Variants in AFAP1L2 observed in about 807,000 individuals in gnomAD.
AFAP1L2 encodes the protein actin filament-associated protein 1-like 2.
A neutral mutation model predicts 99.3 loss-of-function variants in AFAP1L2; 46 were observed. The observed-to-expected ratio is 0.46, with a 90% confidence interval of 0.37 to 0.59. The LOEUF is 0.59. Among genes scored for constraint, AFAP1L2 ranks in the 20% least tolerant of loss-of-function variants. AFAP1L2 has a pLI of 0.00. For missense variants in AFAP1L2, 959 were observed against 1,034.9 expected (o/e 0.93, Z 1.01); for synonymous variants, 397 against 419.1 (o/e 0.95, Z 0.64).
intron 1 of AFAP1L2, among the ~76,000 whole-genome samples, chr10:114,383,169 G>T (rs948861860): frequency 1.7e-4 from 26 of 152,196 alleles, no homozygotes; most frequent in Admixed American, 8.5e-4. Flanking sequence ...ACAATGTTTT[G>T]AAAGATACAT....
chr10:114,385,394 A>T (rs2056366652), intron 1 of AFAP1L2, among the ~76,000 whole-genome samples: 1 of 152,192 alleles, frequency 6.6e-6, no homozygotes, highest in Admixed American at 6.5e-5. Context: ...AGGACTTGAC[A>T]TCCTGGTTAA....
chr10:114,297,351 C>G lies in AFAP1L2; in HGVS notation c.2176G>C (p.Glu726Gln). The part of the protein sequence containing the change: ...LKEIDEECRG[E>Q]ESRRVDLELS... Reference sequence around the variant, plus strand: ...TCCAGGTCCACGCGCCTGCTCTCCTCGCCCCGGCACTCCTCGTCAATTTCC... The same window carrying G: ...TCCAGGTCCACGCGCCTGCTCTCCTGGCCCCGGCACTCCTCGTCAATTTCC... The change falls in exon 17 of 19, where the codon GAG (glutamate) becomes CAG (glutamine). Residue 726 changes from glutamate to glutamine, a missense_variant. Coordinates refer to ENST00000304129, the MANE Select transcript of AFAP1L2 (RefSeq NM_001001936.3). 1.2e-6 allele frequency: 2 copies of G among 1,613,822 alleles called. No individual in the cohort carries two copies. Among genetic ancestry groups the G allele is most frequent in the Non-Finnish European group, 1.7e-6 (2 of 1,180,038 alleles).
chr10:114,393,239 C>T (rs1033423258), intron 1 of AFAP1L2, among the ~76,000 whole-genome samples: 1 of 152,170 alleles, frequency 6.6e-6, no homozygotes, highest in African/African-American at 2.4e-5. Flanking sequence ...GCCACCAACA[C>T]TCTCCTGGGG....
chr10:114,291,697 G>T (rs2039616540), downstream of AFAP1L2, among the ~76,000 whole-genome samples: 1 of 152,244 alleles, frequency 6.6e-6, no homozygotes, highest in African/African-American at 2.4e-5. Context: ...GACGGCGAAG[G>T]CCACGGCCTT....
At chr10:114,359,531 G>A (rs966608056) in intron 1 of AFAP1L2, among the ~76,000 whole-genome samples, 14 of 152,268 alleles carry the variant, frequency 9.2e-5, no homozygotes, top group Middle Eastern at 3.4e-3. Flanking sequence ...AACTTTCCCC[G>A]CACCCTGCAG....
At chr10:114,343,243 A>C (rs550967359) in intron 1 of AFAP1L2, among the ~76,000 whole-genome samples, 63 of 152,092 alleles carry the variant, frequency 4.1e-4, no homozygotes, top group Non-Finnish European at 2.2e-4. Flanking sequence ...CATGAAACCA[A>C]CTCCTAGGGT....
At chr10:114,340,887 C>T (rs893315746) in intron 1 of AFAP1L2, 156 bp from the exon 2 acceptor site, 4 of 1,015,184 alleles carry the variant, frequency 3.9e-6, no homozygotes, top group African/African-American at 3.2e-5. Flanking sequence ...GGGGACTGGG[C>T]AGAAGATGGG....
chr10:114,298,616 C>T (rs1283995724), intron 16 of AFAP1L2, among the ~76,000 whole-genome samples: 1 of 151,850 alleles, frequency 6.6e-6, no homozygotes, highest in Non-Finnish European at 1.5e-5. Context: ...TTTGGGAGGC[C>T]AAGGCAGGTG....
intron 2 of AFAP1L2, 78 bp downstream of exon 2, chr10:114,340,525 A>G: frequency 6.6e-7 from 1 of 1,508,466 alleles, no homozygotes; most frequent in Non-Finnish European, 8.9e-7. Context: ...TGTGATCCTT[A>G]GCTATGGCAG....
At chr10:114,299,125 C>T in intron 16 of AFAP1L2, 135 bp downstream of exon 16, 1 of 999,446 alleles carries the variant, frequency 1.0e-6, no homozygotes, top group Admixed American at 2.3e-5. Context: ...AAGGGAGCAC[C>T]CACCCAGGCC....
chr10:114,343,940 G>A (rs2049147767), intron 1 of AFAP1L2, among the ~76,000 whole-genome samples: 1 of 152,148 alleles, frequency 6.6e-6, no homozygotes, highest in Non-Finnish European at 1.5e-5. Context: ...AGAGAAGAAC[G>A]GGAGACAACA....
chr10:114,329,782 G>A (rs1210975655), intron 4 of AFAP1L2, among the ~76,000 whole-genome samples: 1 of 152,218 alleles, frequency 6.6e-6, no homozygotes, highest in Non-Finnish European at 1.5e-5. Flanking sequence ...GCAAATGTCA[G>A]GGAGGCCCAG....
rs537335287 is a variant in AFAP1L2 at position 114,352,673 on chromosome 10, A to C, written c.17-11942T>G. 6.6e-5 allele frequency among the ~76,000 whole-genome samples: 10 copies of C among 152,322 alleles called. No homozygotes were observed. The South Asian group carries it at 1.9e-3, about 28-fold the overall frequency. On this transcript the variant is annotated intron_variant, in intron 1 of 18. Coordinates refer to ENST00000304129, the MANE Select transcript of AFAP1L2 (RefSeq NM_001001936.3). ...AGGTTTTCAAAGCTTTCTGTAGCTT[A>C]GCCCAGGTGTCAACAGGTTAAAGCC...
intron 12 of AFAP1L2, chr10:114,302,128 C>T (rs1447576835): frequency 3.0e-6 from 2 of 676,232 alleles, no homozygotes; most frequent in East Asian, 2.9e-5. Flanking sequence ...CCCCGGGGCC[C>T]GAAGCCTGGC....
rs546340414 is a variant in AFAP1L2 at position 114,337,109 on chromosome 10, G to A, written c.145+3494C>T. On this transcript the variant is annotated intron_variant, in intron 2 of 18. Coordinates refer to ENST00000304129, the MANE Select transcript of AFAP1L2 (RefSeq NM_001001936.3). The stretch of plus-strand genomic sequence containing the variant: ...GGGAAAGAATGCTGTAATTTCAGGT[G>A]CGGTATGTGTGTTTACGATTCTGTC... Among the ~76,000 whole-genome samples the A allele has an allele frequency of 1.2e-3, 186 of 152,332 alleles. 1 individual carries two copies. The highest frequency in any genetic ancestry group is 0.01 in the Middle Eastern group (3 of 294).
chr10:114,361,354 G>A (rs1022302509), intron 1 of AFAP1L2, among the ~76,000 whole-genome samples: 8 of 152,178 alleles, frequency 5.3e-5, no homozygotes, highest in Non-Finnish European at 1.2e-4. Context: ...TTCTGTCTGG[G>A]AAGGTGTGGA....
chr10:114,286,249 C>G, the AFAP1L2 span: 1 of 1,612,700 alleles, frequency 6.2e-7, no homozygotes, highest in African/African-American at 1.3e-5. Context: ...GCTTCGGGAG[C>G]GCCACCAGGA....
chr10:114,284,077 A>C, the AFAP1L2 span, among the ~76,000 whole-genome samples: 5 of 152,214 alleles, frequency 3.3e-5, no homozygotes, highest in Non-Finnish European at 7.3e-5. Flanking sequence ...TGCACTTTGT[A>C]ATAATTGATA....
intron 1 of AFAP1L2, among the ~76,000 whole-genome samples, chr10:114,391,660 C>T (rs1378015718): frequency 6.6e-6 from 1 of 152,200 alleles, no homozygotes; most frequent in African/African-American, 2.4e-5. Flanking sequence ...TGACCACGGC[C>T]ATGAGGGTTG....
Sources: gnomAD v4.1 joint callset for allele counts (sites outside exome capture counted in the v4.1 genomes callset) on GRCh38, gnomAD v4.1.1 for gene constraint, MANE v1.5 for transcripts, NCBI Gene and HGNC (gene_info 2026-07-23, HGNC 2026-07-21) for gene names.